SHC4: variants seen among roughly 807,000 people sequenced by gnomAD.
The protein encoded by SHC4 is SHC-transforming protein 4.
A neutral mutation model predicts 69.4 loss-of-function variants in SHC4; 41 were observed. The observed-to-expected ratio is 0.59, with a 90% CI of 0.46 to 0.77. The LOEUF (loss-of-function observed/expected upper bound fraction) is 0.77, where lower values mean the gene tolerates loss of function less well. Ranked by LOEUF, SHC4 falls within the 30% of genes least tolerant of loss-of-function variation. The pLI is 0.00. For synonymous variants in SHC4, 318 were observed against 299.3 expected (o/e 1.06, Z -0.64); for missense variants, 777 against 783.8 (o/e 0.99, Z 0.10).
At chr15:48,925,061 T>C (rs1443225945) in intron 1 of SHC4, 112 bp from the exon 2 acceptor site, 2 of 1,036,914 alleles carry the variant, frequency 1.9e-6, no homozygotes, top group Admixed American at 1.9e-5. Context: ...GCTATCAAGT[T>C]ACATTTGCAC....
At chr15:48,932,973 A>T (rs1393614343) in intron 1 of SHC4, among the ~76,000 whole-genome samples, 2 of 152,212 alleles carry the variant, frequency 1.3e-5, no homozygotes, top group Admixed American at 6.5e-5. Context: ...CACATTAAGG[A>T]CTTAAATAAT....
rs1213416197 is a variant in SHC4, at chr15:48,949,699, C to T, written c.585+12732G>A. Among the ~76,000 whole-genome samples, 7 of 151,612 alleles carry T rather than the reference C, an allele frequency of 4.6e-5. No homozygotes were observed. The South Asian group carries it at 6.2e-4, about 13-fold the overall frequency. On this transcript the variant is annotated intron_variant, in intron 1 of 11. Coordinates refer to ENST00000332408, the MANE Select transcript of SHC4 (RefSeq NM_203349.4). ...GCTTTTACTCTGGCCCAACTAAAAT[C>T]GGTGCCCTCCCTTGCGGATAACCTA... is the stretch of plus-strand genomic sequence containing the variant.
At chr15:48,927,013 C>G (rs564372988) in intron 1 of SHC4, among the ~76,000 whole-genome samples, 1 of 152,312 alleles carries the variant, frequency 6.6e-6, no homozygotes, top group South Asian at 2.1e-4. Flanking sequence ...CCCCATCACA[C>G]GTAACTTCCC....
In SHC4 at chr15:48,843,462, G is replaced by A; in HGVS notation, c.1430C>T (p.Ser477Phe). 1.9e-6 allele frequency: 3 copies of A among 1,614,156 alleles called. No individual in the cohort carries two copies. The highest frequency in any genetic ancestry group is 2.2e-5 in the South Asian group (2 of 91,082). ...NTQALQSTPG[S>F]AGNQRSAQPL... is the part of the protein sequence containing the mutation. Reference sequence around the variant, plus strand: ...TTGGGCTGACCTTTGATTTCCAGCAGAGCCAGGTGTACTTTGAAGAGCCTG... The same window carrying A: ...TTGGGCTGACCTTTGATTTCCAGCAAAGCCAGGTGTACTTTGAAGAGCCTG... The change falls in exon 10 of 12, where the codon TCT (serine) becomes TTT (phenylalanine). Residue 477 changes from serine to phenylalanine, a missense_variant. Coordinates refer to ENST00000332408, the MANE Select transcript of SHC4 (RefSeq NM_203349.4).
At chr15:48,913,464 A>C (rs1900550114) in intron 2 of SHC4, among the ~76,000 whole-genome samples, 1 of 152,116 alleles carries the variant, frequency 6.6e-6, no homozygotes, top group Admixed American at 6.6e-5. Context: ...AATAGCCCCC[A>C]GTCCATTTCT....
chr15:48,956,816 A>G (rs1901461579), intron 1 of SHC4, among the ~76,000 whole-genome samples: 1 of 152,184 alleles, frequency 6.6e-6, no homozygotes, highest in Non-Finnish European at 1.5e-5. Context: ...GTGGATAAAC[A>G]TTATTTCCTC....
At chr15:48,904,916 G>A (rs1029128542) in intron 2 of SHC4, among the ~76,000 whole-genome samples, 9 of 133,238 alleles carry the variant, frequency 6.8e-5, no homozygotes, top group Admixed American at 1.6e-4. Flanking sequence ...CGACACACAC[G>A]CACACACACA....
intron 2 of SHC4, among the ~76,000 whole-genome samples, chr15:48,915,334 T>G (rs1408448190): frequency 6.6e-6 from 1 of 152,182 alleles, no homozygotes; most frequent in Non-Finnish European, 1.5e-5. Flanking sequence ...CATTCCCAAT[T>G]GATTGGAATT....
chr15:48,846,402 C>T (rs1418064268), intron 9 of SHC4, among the ~76,000 whole-genome samples: 1 of 152,146 alleles, frequency 6.6e-6, no homozygotes, highest in Non-Finnish European at 1.5e-5. Flanking sequence ...CACTGATGCT[C>T]AGTTATTATT....
intron 9 of SHC4, among the ~76,000 whole-genome samples, chr15:48,847,201 C>T (rs1899110847): frequency 6.6e-6 from 1 of 152,058 alleles, no homozygotes; most frequent in African/African-American, 2.4e-5. Context: ...TGTATTACTC[C>T]AAGACCCTTT....
intron 2 of SHC4, among the ~76,000 whole-genome samples, chr15:48,924,112 C>G (rs972762488): frequency 6.6e-6 from 1 of 152,152 alleles, no homozygotes; most frequent in Admixed American, 6.5e-5. Flanking sequence ...GAACAGGAGG[C>G]CTGCAAGCAC....
At chr15:48,875,247 C>T (rs1329250914) in intron 4 of SHC4, among the ~76,000 whole-genome samples, 2 of 152,344 alleles carry the variant, frequency 1.3e-5, no homozygotes, top group African/African-American at 4.8e-5. Context: ...GGAGACCACA[C>T]ACCCTGCATT....
At chr15:48,942,152 G>A (rs1344465783) in intron 1 of SHC4, among the ~76,000 whole-genome samples, 2 of 151,908 alleles carry the variant, frequency 1.3e-5, no homozygotes, top group East Asian at 3.9e-4. Context: ...GAGCTAGAAC[G>A]AGGTGACCTG....
intron 2 of SHC4, among the ~76,000 whole-genome samples, chr15:48,907,207 T>G (rs546073738): frequency 2.0e-5 from 3 of 151,976 alleles, no homozygotes; most frequent in African/African-American, 7.2e-5. Flanking sequence ...GATGTGTGAT[T>G]TCTTTCTTTT....
In SHC4 at chr15:48,825,966, T is replaced by C. The variant is rs1333516933; in HGVS notation, c.*5A>G. 1 of 1,612,674 alleles carries C rather than the reference T, an allele frequency of 6.2e-7. No homozygotes were observed. Among genetic ancestry groups the C allele is most frequent in the African/African-American group, 1.3e-5 (1 of 74,980 alleles). ...AAATATCAGTGTGATGGTGCTTCAATACTGTCATTTGTTGGAATGCAAAAG... is the reference window on the plus strand; with the variant it reads ...AAATATCAGTGTGATGGTGCTTCAACACTGTCATTTGTTGGAATGCAAAAG... On this transcript the variant is annotated 3_prime_UTR_variant, in exon 12 of 12. Coordinates refer to ENST00000332408, the MANE Select transcript of SHC4 (RefSeq NM_203349.4).
intron 2 of SHC4, among the ~76,000 whole-genome samples, chr15:48,923,558 A>T (rs1302978786): frequency 6.6e-6 from 1 of 150,650 alleles, no homozygotes; most frequent in African/African-American, 2.4e-5. Flanking sequence ...AAAAAAAAAA[A>T]AACAAAAAAG....
At chr15:48,937,275 T>A (rs567658661) in intron 1 of SHC4, among the ~76,000 whole-genome samples, 2 of 152,252 alleles carry the variant, frequency 1.3e-5, no homozygotes, top group East Asian at 3.9e-4. Context: ...GTTGCCCAGG[T>A]GATCTCAAAC....
At chr15:48,851,996 T>C (rs577462672) in intron 8 of SHC4, among the ~76,000 whole-genome samples, 4 of 152,160 alleles carry the variant, frequency 2.6e-5, no homozygotes, top group Non-Finnish European at 4.4e-5. Context: ...GGGCCCAAAG[T>C]GTGAGAAAAA....
intron 1 of SHC4, among the ~76,000 whole-genome samples, chr15:48,934,792 C>G (rs753249484): frequency 1.3e-5 from 2 of 152,120 alleles, no homozygotes; most frequent in Non-Finnish European, 2.9e-5. Context: ...TTGATACATG[C>G]TGCAGCATGA....
Sources: gnomAD v4.1 joint callset for allele counts (sites outside exome capture counted in the v4.1 genomes callset) on GRCh38, gnomAD v4.1.1 for gene constraint, MANE v1.5 for transcripts, NCBI Gene and HGNC (gene_info 2026-07-23, HGNC 2026-07-21) for gene names.